Variants in KCNN3 observed in about 807,000 individuals in gnomAD.
KCNN3 encodes the protein small conductance calcium-activated potassium channel protein 3.
In KCNN3, 16 loss-of-function variants were observed where a neutral mutation model predicts 62.9. The ratio of observed to expected loss-of-function variants is 0.25; its 90% CI spans 0.17 to 0.39. The LOEUF (loss-of-function observed/expected upper bound fraction) is 0.39. Among genes scored for constraint, KCNN3 ranks in the 10% least tolerant of loss-of-function variants. KCNN3 has a pLI of 1.00. For missense variants in KCNN3, 599 were observed against 949.4 expected (o/e 0.63, Z 4.85); for synonymous variants, 370 against 389.2 (o/e 0.95, Z 0.58).
intron 1 of KCNN3, among the ~76,000 whole-genome samples, chr1:154,842,806 G>T (rs1303774880): frequency 2.6e-5 from 4 of 152,106 alleles, no homozygotes; most frequent in Admixed American, 6.5e-5. Flanking sequence ...GGAAGAGTCC[G>T]GTTTGACTCA....
intron 1 of KCNN3, among the ~76,000 whole-genome samples, chr1:154,865,514 C>T (rs1652917607): frequency 6.6e-6 from 1 of 152,208 alleles, no homozygotes; most frequent in South Asian, 2.1e-4. Flanking sequence ...CAAGCCCCAC[C>T]TCCCTGCTCC....
intron 2 of KCNN3, among the ~76,000 whole-genome samples, chr1:154,788,908 G>A (rs1338459910): frequency 6.6e-6 from 1 of 152,188 alleles, no homozygotes; most frequent in African/African-American, 2.4e-5. Context: ...TAAGTGACAT[G>A]CCCAAGGTCA....
chr1:154,781,807 A>G (rs1297570348), intron 2 of KCNN3, among the ~76,000 whole-genome samples: 1 of 152,234 alleles, frequency 6.6e-6, no homozygotes, highest in African/African-American at 2.4e-5. Flanking sequence ...ATATAGCAAG[A>G]CAAGTAGACA....
At chr1:154,817,276 A>G (rs1181053031) in intron 2 of KCNN3, among the ~76,000 whole-genome samples, 1 of 152,248 alleles carries the variant, frequency 6.6e-6, no homozygotes, top group Non-Finnish European at 1.5e-5. Context: ...TGGCAGCAGT[A>G]AGACAAGATG....
chr1:154,869,738 TG>T lies in KCNN3; in HGVS notation c.226del (p.Gln76SerfsTer100). 1 of 1,524,240 alleles carries T rather than the reference TG, an allele frequency of 6.6e-7. No homozygotes were observed. The highest frequency in any genetic ancestry group is 1.4e-5 in the African/African-American group (1 of 72,192). 94.4% of individuals were successfully genotyped at this position (1,524,240 alleles called of 1,614,324 possible). A position where few individuals can be genotyped will look rare whatever the true frequency, so the allele number is the denominator to read the frequency against. On this transcript the variant is annotated frameshift_variant, in exon 1 of 8. Transcript: ENST00000271915. LOFTEE classifies it high-confidence loss of function. The surrounding 1 kb of genome is among the most constrained non-coding windows in gnomAD (Gnocchi z 6.1). ...LQQQQQQQQQQQQQQPPHPLS... is the reference protein window; with the variant it reads ...LQQQQQQQQQXQQQQPPHPLS... ...GGGATGCGGTGGCTGCTGCTGCTGC[TG>T]CTGCTGCTGCTGCTGCTGCTGCTGC...
chr1:154,738,352 A>C (rs1700755944), intron 3 of KCNN3, among the ~76,000 whole-genome samples: 1 of 152,226 alleles, frequency 6.6e-6, no homozygotes. Context: ...GAGGAAAATT[A>C]TTTCCAAATC....
chr1:154,864,217 G>A lies in KCNN3; in HGVS notation c.933+4815C>T, dbSNP rs138306583. The stretch of plus-strand genomic sequence containing the variant: ...GAGGGTCCATGGAAAGGGCTGGAAA[G>A]GGTCTATCCTACTCCTACTTTTCCA... On this transcript the variant is annotated intron_variant, in intron 1 of 7. Transcript: ENST00000271915. Among the ~76,000 whole-genome samples the A allele has an allele frequency of 1.1e-3, 168 of 152,346 alleles. 1 individual carries two copies. The highest frequency in any genetic ancestry group is 3.8e-3 in the African/African-American group (159 of 41,568).
intron 7 of KCNN3, among the ~76,000 whole-genome samples, chr1:154,713,007 T>C (rs995446688): frequency 3.3e-5 from 5 of 152,044 alleles, no homozygotes; most frequent in Admixed American, 2.6e-4. Context: ...CCAGCAAAAC[T>C]AGTTGGTTAA....
Position 154,707,944 on chromosome 1 carries a change from A to G in KCNN3, c.*32T>C. 2 of 1,606,146 alleles carry G rather than the reference A, an allele frequency of 1.2e-6. No homozygotes were observed. Among genetic ancestry groups the G allele is most frequent in the Non-Finnish European group, 1.7e-6 (2 of 1,174,860 alleles). ...AGAGTTGATTTGCATCTTAAGACCT[A>G]TGGGTAATGCTTCTGGAGTGGGGAG... On this transcript the variant is annotated 3_prime_UTR_variant, in exon 8 of 8. Transcript: ENST00000271915.
At chr1:154,713,853 C>T (rs946176934) in intron 6 of KCNN3, among the ~76,000 whole-genome samples, 1 of 151,764 alleles carries the variant, frequency 6.6e-6, no homozygotes, top group Non-Finnish European at 1.5e-5. Context: ...CAAACCTCTC[C>T]ATCAGAATGA....
At chr1:154,708,329 C>A in intron 7 of KCNN3, 57 bp from the exon 8 acceptor site, 1 of 1,563,628 alleles carries the variant, frequency 6.4e-7, no homozygotes, top group Non-Finnish European at 8.8e-7. Context: ...ACAGAGGAAT[C>A]TGCAATGGGA....
At chr1:154,760,710 C>T (rs1315571925) in intron 3 of KCNN3, among the ~76,000 whole-genome samples, 1 of 152,248 alleles carries the variant, frequency 6.6e-6, no homozygotes, top group African/African-American at 2.4e-5. Context: ...CCCGCAACAC[C>T]GCGGGGACGC....
At chr1:154,843,300 T>C (rs1399370042) in intron 1 of KCNN3, among the ~76,000 whole-genome samples, 1 of 151,950 alleles carries the variant, frequency 6.6e-6, no homozygotes, top group Admixed American at 6.5e-5. Context: ...AGCTGCCCCA[T>C]CCAGGTTCTA....
intron 3 of KCNN3, among the ~76,000 whole-genome samples, chr1:154,757,604 C>G (rs1217710008): frequency 2.6e-5 from 4 of 152,176 alleles, no homozygotes; most frequent in African/African-American, 9.7e-5. Context: ...GCCCTTTGCC[C>G]TAAGAATATG....
At chr1:154,760,099 G>A (rs768630706) in intron 3 of KCNN3, among the ~76,000 whole-genome samples, 4 of 151,528 alleles carry the variant, frequency 2.6e-5, no homozygotes, top group Non-Finnish European at 4.4e-5. Flanking sequence ...TGCAACCTCC[G>A]CCTCTCAGGT....
intron 2 of KCNN3, among the ~76,000 whole-genome samples, chr1:154,790,787 CA>C: frequency 6.6e-6 from 1 of 152,300 alleles, no homozygotes; most frequent in Middle Eastern, 3.4e-3. Context: ...GTACTATCTG[CA>C]GTTTTAGACA....
Position 154,860,703 on chromosome 1 carries a change from G to A in KCNN3, c.933+8329C>T, listed in dbSNP as rs756602286. On this transcript the variant is annotated intron_variant, in intron 1 of 7. Transcript: ENST00000271915. The stretch of plus-strand genomic sequence containing the variant: ...TGTTCCACACGTGCTCTCCAGGCAG[G>A]GACACCTGCAGACAGTGGAGGGGTG... Among the ~76,000 whole-genome samples, 30 of 152,308 alleles carry A rather than the reference G, an allele frequency of 2.0e-4. 1 individual carries two copies. The highest frequency in any genetic ancestry group is 4.0e-4 in the Non-Finnish European group (27 of 68,022).
chr1:154,743,792 G>T (rs1005702844), intron 3 of KCNN3, among the ~76,000 whole-genome samples: 1 of 152,144 alleles, frequency 6.6e-6, no homozygotes, highest in Non-Finnish European at 1.5e-5. Flanking sequence ...AGTGTTCCCA[G>T]CACGTTTAAG....
rs946229439 is a variant in KCNN3, at chr1:154,700,859, G to C, written c.*7117C>G. 1.1e-4 allele frequency: 16 copies of C among 152,080 alleles called. No homozygotes were observed. The highest frequency in any genetic ancestry group is 3.1e-4 in the African/African-American group (13 of 41,502). 9.4% of individuals were successfully genotyped at this position (152,080 alleles called of 1,614,324 possible). ...AAAAATCATTTAGTAGCAAAAAAAA[G>C]TGAAGAAATAAATCAATTACCACCA... On this transcript the variant is annotated 3_prime_UTR_variant, in exon 8 of 8. Transcript: ENST00000271915.
Sources: gnomAD v4.1 joint callset for allele counts (sites outside exome capture counted in the v4.1 genomes callset) on GRCh38, gnomAD v4.1.1 for gene constraint, Gnocchi (gnomAD v3.1) non-coding constraint, MANE v1.5 for transcripts, NCBI Gene and HGNC (gene_info 2026-07-23, HGNC 2026-07-21) for gene names.